Variants in SVOP observed in about 807,000 individuals in gnomAD.
SVOP encodes the protein SV2 related protein, also known as synaptic vesicle 2-related protein.
SVOP carries 17 observed loss-of-function variants against 69.1 expected under a neutral mutation model. The observed-to-expected ratio is 0.25, with a 90% CI of 0.17 to 0.37. SVOP has a LOEUF of 0.37. SVOP is among the 10% of genes least tolerant of loss of function. SVOP has a pLI of 1.00. For missense variants in SVOP, 435 were observed against 597.5 expected, an observed-to-expected ratio of 0.73 and a Z score of 2.84; for synonymous variants, 238 against 238.6, an observed-to-expected ratio of 1.00 and a Z score of 0.02.
At chr12:109,020,709 C>T in intron 1 of SVOP, 125 bp downstream of exon 1, 1 of 523,304 alleles carries the variant, frequency 1.9e-6, no homozygotes, top group Non-Finnish European at 3.5e-6. Flanking sequence ...TAATTCCTTC[C>T]TCTGAAACAG....
chr12:108,972,590 T>A, intron 4 of SVOP, 114 bp from the exon 5 acceptor site: 1 of 1,089,392 alleles, frequency 9.2e-7, no homozygotes, highest in East Asian at 2.6e-5. Context: ...TGATCTAACA[T>A]TCACTGAGAG....
chr12:108,917,231 T>C (rs1173261804), intron 14 of SVOP, among the ~76,000 whole-genome samples: 4 of 152,254 alleles, frequency 2.6e-5, no homozygotes, highest in Admixed American at 6.5e-5. Flanking sequence ...ATTTGTCACA[T>C]TTTTATGTAT....
intron 6 of SVOP, among the ~76,000 whole-genome samples, chr12:108,951,409 T>A (rs1161269907): frequency 6.6e-6 from 1 of 152,250 alleles, no homozygotes; most frequent in Non-Finnish European, 1.5e-5. Flanking sequence ...CAGGTGATTA[T>A]CATTTGTTAT....
intron 2 of SVOP, among the ~76,000 whole-genome samples, chr12:108,982,803 C>A (rs1397327994): frequency 7.8e-6 from 1 of 128,166 alleles, no homozygotes; most frequent in Admixed American, 7.6e-5. Context: ...ATCATCATCA[C>A]CATCATCATC....
chr12:108,947,920 C>T (rs1355211278), intron 6 of SVOP, among the ~76,000 whole-genome samples: 1 of 152,018 alleles, frequency 6.6e-6, no homozygotes, highest in Non-Finnish European at 1.5e-5. Flanking sequence ...ACATTTAGAT[C>T]TCCTAGGATC....
At chr12:109,015,797 A>C (rs1485399964) in intron 1 of SVOP, among the ~76,000 whole-genome samples, 1 of 152,144 alleles carries the variant, frequency 6.6e-6, no homozygotes, top group East Asian at 1.9e-4. Context: ...TGTCTCAACA[A>C]AACAAAACAA....
At chr12:108,987,907 T>C (rs1454247450) in intron 1 of SVOP, among the ~76,000 whole-genome samples, 1 of 125,630 alleles carries the variant, frequency 8.0e-6, no homozygotes, top group Non-Finnish European at 1.7e-5. Flanking sequence ...ATTGTGATCG[T>C]TGAATGCACC....
intron 8 of SVOP, among the ~76,000 whole-genome samples, chr12:108,939,504 C>A (rs1274821277): frequency 3.3e-5 from 5 of 152,176 alleles, no homozygotes. Flanking sequence ...TACATACATA[C>A]ATTTCTGTAA....
intron 15 of SVOP, among the ~76,000 whole-genome samples, chr12:108,913,353 G>A (rs570196421): frequency 3.3e-5 from 5 of 152,246 alleles, no homozygotes; most frequent in Middle Eastern, 3.4e-3. Flanking sequence ...GAGCCAACAC[G>A]CCCAGCCAGG....
intron 7 of SVOP, among the ~76,000 whole-genome samples, chr12:108,943,209 C>T (rs952817311): frequency 3.9e-5 from 6 of 152,120 alleles, no homozygotes; most frequent in African/African-American, 1.4e-4. Flanking sequence ...TCCAAAGTCC[C>T]CTTTTGCTTA....
intron 4 of SVOP, among the ~76,000 whole-genome samples, chr12:108,973,346 C>T (rs1167636862): frequency 6.9e-6 from 1 of 144,436 alleles, no homozygotes; most frequent in Non-Finnish European, 1.5e-5. Flanking sequence ...TACACAGAAG[C>T]GTTCCAAGGG....
chr12:109,000,071 C>T (rs1176510676), intron 1 of SVOP, among the ~76,000 whole-genome samples: 4 of 151,430 alleles, frequency 2.6e-5, no homozygotes, highest in Non-Finnish European at 5.9e-5. Context: ...GCTAGCAAGA[C>T]TAATAAAGAA....
At chr12:108,929,057 G>A (rs549858425) in intron 11 of SVOP, among the ~76,000 whole-genome samples, 1 of 152,224 alleles carries the variant, frequency 6.6e-6, no homozygotes, top group East Asian at 1.9e-4. Context: ...ATTTCTCTAC[G>A]ACTCTCCACT....
chr12:108,932,662 G>A (rs2039828741), intron 11 of SVOP, among the ~76,000 whole-genome samples: 1 of 151,940 alleles, frequency 6.6e-6, no homozygotes, highest in African/African-American at 2.4e-5. Flanking sequence ...CGGCCATGAT[G>A]GGAAGGAGGT....
intron 1 of SVOP, among the ~76,000 whole-genome samples, chr12:109,007,138 AG>A (rs762886065): frequency 5.8e-4 from 88 of 152,348 alleles, no homozygotes; most frequent in Middle Eastern, 3.4e-3. Context: ...GGTTGCAAGA[AG>A]GGATCACCTT....
chr12:108,930,335 A>C (rs952693814), intron 11 of SVOP, among the ~76,000 whole-genome samples: 18 of 152,222 alleles, frequency 1.2e-4, no homozygotes, highest in African/African-American at 4.1e-4. Flanking sequence ...TATGGACAGA[A>C]ACAGGAAAGT....
intron 15 of SVOP, among the ~76,000 whole-genome samples, chr12:108,915,452 T>C (rs1278379101): frequency 1.3e-5 from 2 of 152,212 alleles, no homozygotes; most frequent in Admixed American, 1.3e-4. Context: ...TGTTCTTGCA[T>C]TAATTCACTC....
At chr12:108,947,388 ACACT>A (rs944772964) in intron 6 of SVOP, among the ~76,000 whole-genome samples, 4 of 151,780 alleles carry the variant, frequency 2.6e-5, no homozygotes, top group Non-Finnish European at 5.9e-5. Flanking sequence ...CTCTCTTCAC[ACACT>A]CACCATATCT....
chr12:108,984,628 T>A (rs1218900691), intron 1 of SVOP, among the ~76,000 whole-genome samples: 1 of 152,220 alleles, frequency 6.6e-6, no homozygotes, highest in Non-Finnish European at 1.5e-5. Flanking sequence ...TGAGACCCCA[T>A]GGGCCCCACT....
Sources: allele counts gnomAD v4.1 joint callset (sites outside exome capture counted in the v4.1 genomes callset), GRCh38; gene constraint gnomAD v4.1.1; transcripts MANE v1.5; gene names NCBI Gene and HGNC (gene_info 2026-07-23, HGNC 2026-07-21).